MYO1F: variants seen among roughly 807,000 people sequenced by gnomAD.
The protein encoded by MYO1F is unconventional myosin-If.
MYO1F carries 60 observed loss-of-function variants against 146.6 expected under a neutral mutation model. The observed-to-expected ratio is 0.41, with a 90% CI of 0.33 to 0.51. The LOEUF (loss-of-function observed/expected upper bound fraction) is 0.51. Among genes scored for constraint, MYO1F ranks in the 20% least tolerant of loss-of-function variants. The probability of loss-of-function intolerance (pLI) is 0.25; values close to 1 mark genes in which losing one functional copy is unlikely to be tolerated. For missense variants in MYO1F, 1,274 were observed against 1,534.3 expected, an observed-to-expected ratio of 0.83 and a Z score of 2.83; for synonymous variants, 602 against 602.1, an observed-to-expected ratio of 1.00 and a Z score of 0.00.
intron 1 of MYO1F, among the ~76,000 whole-genome samples, chr19:8,561,463 T>C (rs1568368979): frequency 8.0e-6 from 1 of 124,492 alleles, no homozygotes; most frequent in African/African-American, 3.3e-5. Flanking sequence ...TCTCTCCCTC[T>C]CTCTCTCTTT....
chr19:8,526,085 T>G (rs1972253577), intron 24 of MYO1F, among the ~76,000 whole-genome samples: 1 of 152,138 alleles, frequency 6.6e-6, no homozygotes, highest in African/African-American at 2.4e-5. Context: ...TCCCAGCACT[T>G]TGGGAGGCCG....
chr19:8,537,430 TTTTTG>T (rs551869781), intron 16 of MYO1F, among the ~76,000 whole-genome samples: 107 of 152,126 alleles, frequency 7.0e-4, no homozygotes, highest in Non-Finnish European at 1.4e-3. Context: ...GTGTTTGTTT[TTTTTG>T]TTTTGTTCTG....
chr19:8,564,923 C>T (rs2041975511), intron 1 of MYO1F, among the ~76,000 whole-genome samples: 1 of 152,008 alleles, frequency 6.6e-6, no homozygotes, highest in East Asian at 1.9e-4. Flanking sequence ...CAGGCGCCTG[C>T]CACCAAGCCA....
Position 8,545,854 on chromosome 19 carries a change from C to T in MYO1F, c.1270-118G>A, listed in dbSNP as rs528860893. On this transcript the variant is annotated intron_variant, in intron 12 of 27. Coordinates refer to ENST00000644032, the MANE Select transcript of MYO1F (RefSeq NM_012335.4). ...TAGGACTGTCTCTGGTAACAAAGCCCGTCACTCCTATGTGGGCAAGGCTGG... is the reference window on the plus strand; with the variant it reads ...TAGGACTGTCTCTGGTAACAAAGCCTGTCACTCCTATGTGGGCAAGGCTGG... 1.8e-4 allele frequency: 143 copies of T among 788,214 alleles called. 1 individual carries two copies. In the Middle Eastern group the frequency reaches 2.1e-3, roughly 11 times the overall value. 48.8% of individuals were successfully genotyped at this position (788,214 alleles called of 1,614,324 possible). A position where few individuals can be genotyped will look rare whatever the true frequency, so the allele number is the denominator to read the frequency against.
At chr19:8,558,568 A>T (rs761577922) in intron 1 of MYO1F, among the ~76,000 whole-genome samples, 1 of 151,788 alleles carries the variant, frequency 6.6e-6, no homozygotes, top group Non-Finnish European at 1.5e-5. Context: ...TTTTAGCCCG[A>T]CTGAATTTAT....
At chr19:8,564,168 G>A (rs976773372) in intron 1 of MYO1F, among the ~76,000 whole-genome samples, 2 of 151,918 alleles carry the variant, frequency 1.3e-5, no homozygotes, top group African/African-American at 4.8e-5. Flanking sequence ...ATCACTTGAG[G>A]TCAGGAGTTC....
chr19:8,548,043 G>A lies in MYO1F; in HGVS notation c.1262C>T (p.Ala421Val). ...QQIFIELTLKAEQEEYVQEGI... is the reference protein window; with the variant it reads ...QQIFIELTLKVEQEEYVQEGI... ...GACTGCTTGGCCGCCCACCTGCTCG[G>A]CCTTCAGGGTAAGTTCGATAAAGAT... Residue 421 changes from alanine (A) to valine (V), a missense_variant, in exon 12 of 28, where the codon GCC (alanine) becomes GTC (valine). Transcript: ENST00000644032. 1 of 1,612,624 alleles carries A rather than the reference G, an allele frequency of 6.2e-7. No homozygotes were observed. The highest frequency in any genetic ancestry group is 8.5e-7 in the Non-Finnish European group (1 of 1,179,462).
intron 4 of MYO1F, 59 bp downstream of exon 4, chr19:8,554,418 G>GA: frequency 1.4e-6 from 2 of 1,419,436 alleles, no homozygotes; most frequent in Non-Finnish European, 2.0e-6. Context: ...CCTGGGGGTG[G>GA]TGATGTTTCA....
At chr19:8,566,771 C>T (rs1227325081) in intron 1 of MYO1F, among the ~76,000 whole-genome samples, 3 of 151,622 alleles carry the variant, frequency 2.0e-5, no homozygotes, top group Non-Finnish European at 4.4e-5. Flanking sequence ...GCCTCAGCCT[C>T]CCAAAGTGCT....
chr19:8,565,711 G>A (rs1027971701), intron 1 of MYO1F, among the ~76,000 whole-genome samples: 4 of 151,902 alleles, frequency 2.6e-5, no homozygotes, highest in Non-Finnish European at 5.9e-5. Context: ...TCAGTGGGTG[G>A]GGACACGGGA....
At chr19:8,573,103 T>TC (rs2042140139) in intron 1 of MYO1F, among the ~76,000 whole-genome samples, 2 of 151,866 alleles carry the variant, frequency 1.3e-5, no homozygotes, top group African/African-American at 4.8e-5. Flanking sequence ...GGTCAGGAGA[T>TC]CGAGACCATC....
At chr19:8,560,494 GA>G (rs5827003) in intron 1 of MYO1F, among the ~76,000 whole-genome samples, 20 of 145,142 alleles carry the variant, frequency 1.4e-4, no homozygotes, top group African/African-American at 2.3e-4. Flanking sequence ...TTAAAAAAAG[GA>G]AAAAAAAAAA....
chr19:8,550,670 G>A lies in MYO1F; in HGVS notation c.796C>T (p.Pro266Ser). 1.2e-6 allele frequency: 2 copies of A among 1,614,136 alleles called. No homozygotes were observed. The highest frequency in any genetic ancestry group is 3.3e-4 in the Middle Eastern group (2 of 6,062). The change falls in exon 9 of 28, where the codon CCG becomes TCG. Residue 266 changes from proline (P) to serine (S), a missense_variant. By Grantham distance (74) the Pro-to-Ser change is moderately conservative. This residue lies in a region of MYO1F where 900 missense variants were observed against 1,155.1 expected (regional missense o/e 0.78). Coordinates refer to ENST00000644032, the MANE Select transcript of MYO1F (RefSeq NM_012335.4). ...TLSAMQVIGI[P>S]PSIQQLVLQL... ...AGGACCAGCTGCTGGATGCTGGGCG[G>A]GATCCCAATAACCTGCATAGCACTC...
In MYO1F at chr19:8,536,601, G is replaced by T; in HGVS notation, c.1800-4C>A. 6.2e-7 allele frequency: 1 copy of T among 1,606,292 alleles called. No homozygotes were observed. On this transcript the variant is annotated splice_polypyrimidine_tract_variant and splice_region_variant and intron_variant, in intron 17 of 27. Transcript: ENST00000644032. Reference sequence around the variant, plus strand: ...GTATTCCACCTGGTGCTTGACTCTGGTGGGGAGGGTAGGCTGAGTCCCCTC... The same window carrying T: ...GTATTCCACCTGGTGCTTGACTCTGTTGGGGAGGGTAGGCTGAGTCCCCTC...
intron 1 of MYO1F, among the ~76,000 whole-genome samples, chr19:8,562,156 A>ATTTTTTTTTTTTTTTT (rs1490847496): frequency 1.4e-4 from 20 of 142,872 alleles, no homozygotes; most frequent in African/African-American, 5.3e-4. Context: ...TGCCCGGCTA[A>ATTTTTTTTTTTTTTTT]TTTTTTCTTT....
intron 17 of MYO1F, 108 bp downstream of exon 17, chr19:8,536,841 C>G: frequency 1.3e-6 from 1 of 780,670 alleles, no homozygotes; most frequent in African/African-American, 1.8e-5. Flanking sequence ...AGGGGCTGTG[C>G]TAGTCCCTGG....
chr19:8,543,654 CTGGTGGTGGTGGTGGTGG>C (rs1266851158), intron 14 of MYO1F, among the ~76,000 whole-genome samples: 1 of 87,534 alleles, frequency 1.1e-5, no homozygotes. Flanking sequence ...GGTGGTGGTG[CTGGTGGTGGTGGTGGTGG>C]TGCTGGTGGT....
In MYO1F at chr19:8,552,048, G is replaced by A. The variant is rs762112080; in HGVS notation, c.621C>T (p.Phe207=). 6.2e-7 allele frequency: 1 copy of A among 1,614,054 alleles called. No individual in the cohort carries two copies. The highest frequency in any genetic ancestry group is 1.1e-5 in the South Asian group (1 of 91,082). ...VVMQNENERN[F]HIYYQLLEGA... ...TTCCCTGCACCTGGTAGTAGATGTG[G>A]AAGTTCCTCTCATTTTCATTTTGCA... The change falls in exon 7 of 28, where the codon TTC becomes TTT. Residue 207 remains phenylalanine (F), a synonymous_variant. Transcript: ENST00000644032.
At chr19:8,523,433 C>T (rs528551727) in intron 25 of MYO1F, among the ~76,000 whole-genome samples, 1 of 152,264 alleles carries the variant, frequency 6.6e-6, no homozygotes, top group East Asian at 1.9e-4. Flanking sequence ...ACTCTGACCT[C>T]CTGGGCTCAA....
Sources: allele counts gnomAD v4.1 joint callset (sites outside exome capture counted in the v4.1 genomes callset), GRCh38; gene constraint gnomAD v4.1.1; regional missense constraint gnomAD v4.1.1; transcripts MANE v1.5; gene names NCBI Gene and HGNC (gene_info 2026-07-23, HGNC 2026-07-21).